The following LUZP2 variants were observed in gnomAD, a reference collection of about 807,000 sequenced individuals.
LUZP2 encodes leucine zipper protein 2.
Under a neutral mutation model 51.6 loss-of-function variants are expected in LUZP2, and 52 were observed. That is an observed-to-expected ratio of 1.01 (90% CI 0.81 to 1.27). LUZP2 has a LOEUF of 1.27. Among genes scored for constraint, LUZP2 ranks in the 50% most tolerant of loss-of-function variants. The probability of loss-of-function intolerance (pLI) is 0.00; values close to 1 mark genes in which losing one functional copy is unlikely to be tolerated. For missense variants in LUZP2, 436 were observed against 395.4 expected (o/e 1.10, Z -0.87); for synonymous variants, 154 against 137.3 (o/e 1.12, Z -0.85).
At chr11:24,830,309 TC>T (rs1222847054) in intron 5 of LUZP2, among the ~76,000 whole-genome samples, 1 of 125,626 alleles carries the variant, frequency 8.0e-6, no homozygotes, top group African/African-American at 3.3e-5. Context: ...CCAAATTTCT[TC>T]CCCATTTTTG....
chr11:24,668,122 G>T (rs1856277399), intron 1 of LUZP2, among the ~76,000 whole-genome samples: 1 of 152,218 alleles, frequency 6.6e-6, no homozygotes, highest in Admixed American at 6.5e-5. Flanking sequence ...AGTGCAAAGT[G>T]AAAGTGATTG....
chr11:24,876,775 G>A (rs554289732), intron 5 of LUZP2, among the ~76,000 whole-genome samples: 1 of 150,294 alleles, frequency 6.7e-6, no homozygotes, highest in Non-Finnish European at 1.5e-5. Context: ...TTATTTCATT[G>A]AGAAGTGGTT....
At chr11:24,917,353 T>C (rs922759678) in intron 7 of LUZP2, among the ~76,000 whole-genome samples, 2 of 152,212 alleles carry the variant, frequency 1.3e-5, no homozygotes, top group African/African-American at 2.4e-5. Flanking sequence ...ATCCCATTTG[T>C]CAATTTTGAC....
chr11:24,787,660 A>G (rs1849286817), intron 5 of LUZP2, among the ~76,000 whole-genome samples: 1 of 151,874 alleles, frequency 6.6e-6, no homozygotes. Context: ...ACCTCTATTT[A>G]TTTTCTATGC....
chr11:24,960,556 G>T (rs1855361815), intron 7 of LUZP2, among the ~76,000 whole-genome samples: 1 of 152,102 alleles, frequency 6.6e-6, no homozygotes, highest in South Asian at 2.1e-4. Context: ...AGTAATCTCT[G>T]ATAGTAGTTT....
chr11:24,801,883 G>T (rs1849707453), intron 5 of LUZP2, among the ~76,000 whole-genome samples: 1 of 149,882 alleles, frequency 6.7e-6, no homozygotes, highest in South Asian at 2.1e-4. Flanking sequence ...AGCTTGTTCT[G>T]TCATTTGCAA....
chr11:24,625,701 A>C (rs985265512), intron 1 of LUZP2, among the ~76,000 whole-genome samples: 3 of 151,696 alleles, frequency 2.0e-5, no homozygotes, highest in African/African-American at 7.3e-5. Flanking sequence ...TGACTGTATT[A>C]TCTAAAAAAA....
intron 7 of LUZP2, among the ~76,000 whole-genome samples, chr11:24,975,376 T>C (rs1590794290): frequency 6.6e-6 from 1 of 152,110 alleles, no homozygotes; most frequent in African/African-American, 2.4e-5. Context: ...CACAATCAAC[T>C]GGAAGATGTA....
intron 5 of LUZP2, among the ~76,000 whole-genome samples, chr11:24,825,956 C>T (rs976592090): frequency 2.0e-5 from 3 of 151,464 alleles, no homozygotes; most frequent in African/African-American, 7.3e-5. Flanking sequence ...GAGGCCGAGG[C>T]GGGTGGATCA....
rs77321270 is a variant in LUZP2 at position 25,046,696 on chromosome 11, A to G, written c.766-3342A>G. On this transcript the variant is annotated intron_variant, in intron 9 of 11. Transcript: ENST00000336930. ...ATATGAGTTATGCAGACTGGTACCA[A>G]GAAGGTTAATGTTCACCAAAATATT... Among the ~76,000 whole-genome samples, 81 of 152,336 alleles carry G rather than the reference A, an allele frequency of 5.3e-4. 1 individual carries two copies. The East Asian group carries it at 0.015, about 28-fold the overall frequency.
Position 25,050,115 on chromosome 11 carries a change from C to A in LUZP2, c.843C>A (p.Ala281=). 6.3e-7 allele frequency: 1 copy of A among 1,596,380 alleles called. No homozygotes were observed. Residue 281 remains alanine (A), a synonymous_variant, in exon 10 of 12, where the codon GCC becomes GCA. Coordinates refer to ENST00000336930, the MANE Select transcript of LUZP2 (RefSeq NM_001009909.4). Reference sequence around the variant, plus strand: ...AGGAAGGAAATCCAAGTACCACTGCCTGTGACTCTCAAGATGTAAGAAAAA... The same window carrying A: ...AGGAAGGAAATCCAAGTACCACTGCATGTGACTCTCAAGATGTAAGAAAAA... ...STKEGNPSTT[A]CDSQDEGRPC...
intron 1 of LUZP2, among the ~76,000 whole-genome samples, chr11:24,626,537 G>A (rs568434841): frequency 4.6e-5 from 7 of 152,200 alleles, no homozygotes; most frequent in African/African-American, 1.7e-4. Flanking sequence ...TCAATGACAA[G>A]GTAGCCTTTC....
intron 9 of LUZP2, among the ~76,000 whole-genome samples, chr11:25,028,999 G>T (rs970109318): frequency 6.6e-6 from 1 of 152,182 alleles, no homozygotes. Context: ...AGCATCACAT[G>T]TTCTCACATA....
At chr11:24,615,272 C>T (rs1414030658) in intron 1 of LUZP2, among the ~76,000 whole-genome samples, 2 of 151,810 alleles carry the variant, frequency 1.3e-5, no homozygotes, top group East Asian at 1.9e-4. Flanking sequence ...TCACAGTGAT[C>T]CTTTTTGCTT....
intron 5 of LUZP2, among the ~76,000 whole-genome samples, chr11:24,765,622 CT>C (rs1206343621): frequency 1.2e-4 from 15 of 127,768 alleles, no homozygotes; most frequent in African/African-American, 3.6e-4. Flanking sequence ...CCTTTTTTTT[CT>C]TTTTTCTTTT....
At chr11:24,936,956 C>T (rs1306210521) in intron 7 of LUZP2, among the ~76,000 whole-genome samples, 1 of 152,030 alleles carries the variant, frequency 6.6e-6, no homozygotes, top group Non-Finnish European at 1.5e-5. Flanking sequence ...GTTGCAAATA[C>T]CTATATGGTA....
In LUZP2 at chr11:24,535,238, A is replaced by G. The variant is rs1437750247; in HGVS notation, c.62+37933A>G. Among the ~76,000 whole-genome samples the G allele has an allele frequency of 4.0e-5, 6 of 151,570 alleles. No individual in the cohort carries two copies. The East Asian group carries it at 7.8e-4, about 20-fold the overall frequency. ...CCTCAATGTTGATGGCTATTGACTT[A>G]TCAGGGCGGTGATTGCTAAAGGTTG... On this transcript the variant is annotated intron_variant, in intron 1 of 11. Coordinates refer to ENST00000336930, the MANE Select transcript of LUZP2 (RefSeq NM_001009909.4).
chr11:24,521,785 A>T (rs1371496919), intron 1 of LUZP2, among the ~76,000 whole-genome samples: 1 of 152,154 alleles, frequency 6.6e-6, no homozygotes, highest in African/African-American at 2.4e-5. Context: ...CTGTTTTGAA[A>T]AAAAGTCATA....
intron 1 of LUZP2, among the ~76,000 whole-genome samples, chr11:24,609,313 C>G (rs577378017): frequency 6.6e-6 from 1 of 152,258 alleles, no homozygotes; most frequent in African/African-American, 2.4e-5. Context: ...GCCAAGTTGA[C>G]AGATTGTGAA....
Sources: allele counts gnomAD v4.1 joint callset (sites outside exome capture counted in the v4.1 genomes callset), GRCh38; gene constraint gnomAD v4.1.1; transcripts MANE v1.5; gene names NCBI Gene and HGNC (gene_info 2026-07-23, HGNC 2026-07-21).